The following NRXN1 variants were observed in gnomAD, a reference collection of about 807,000 sequenced individuals.
NRXN1 encodes the protein neurexin 1.
NRXN1 carries 39 observed loss-of-function variants against 150.9 expected under a neutral mutation model. That is an observed-to-expected ratio of 0.26 (90% CI 0.20 to 0.34). The LOEUF is 0.34. NRXN1 is among the 10% of genes least tolerant of loss of function. NRXN1 has a pLI of 1.00. For missense variants in NRXN1, 1,815 were observed against 1,949.9 expected (o/e 0.93, Z 1.30); for synonymous variants, 924 against 757.0 (o/e 1.22, Z -3.62).
At chr2:50,485,452 G>C (rs1047099660) in intron 15 of NRXN1, among the ~76,000 whole-genome samples, 1 of 152,248 alleles carries the variant, frequency 6.6e-6, no homozygotes, top group Non-Finnish European at 1.5e-5. Context: ...GCTCTCAGAG[G>C]AGGGTCTCCT....
At chr2:50,471,520 G>T (rs1241233550) in intron 16 of NRXN1, among the ~76,000 whole-genome samples, 1 of 151,816 alleles carries the variant, frequency 6.6e-6, no homozygotes, top group Non-Finnish European at 1.5e-5. Context: ...GGGCACTTAG[G>T]TAGATTCCAT....
intron 5 of NRXN1, among the ~76,000 whole-genome samples, chr2:50,845,005 C>T (rs1673432282): frequency 6.6e-6 from 1 of 152,208 alleles, no homozygotes; most frequent in African/African-American, 2.4e-5. Context: ...AGGTGCACAT[C>T]ATCTCACCTA....
chr2:50,533,458 T>C (rs542700121), intron 10 of NRXN1, among the ~76,000 whole-genome samples: 5 of 152,290 alleles, frequency 3.3e-5, no homozygotes, highest in African/African-American at 1.2e-4. Context: ...TGCTCAGACC[T>C]AAAGCTTTCT....
At chr2:50,478,109 C>A (rs570909465) in intron 15 of NRXN1, among the ~76,000 whole-genome samples, 51 of 152,218 alleles carry the variant, frequency 3.4e-4, no homozygotes, top group African/African-American at 1.2e-3. Flanking sequence ...TCTAGATACA[C>A]TGAGAGAGCT....
chr2:50,441,786 T>G lies in NRXN1; in HGVS notation c.3364+23656A>C, dbSNP rs544922557. Among the ~76,000 whole-genome samples the G allele has an allele frequency of 9.2e-5, 14 of 152,286 alleles. No homozygotes were observed. In the South Asian group the frequency reaches 1.7e-3, roughly 18 times the overall value. ...TAAAAATATCGAAAAAATAAAAATT[T>G]TATTGAAAATTTCTGAAAACTTATG... On this transcript the variant is annotated intron_variant, in intron 17 of 22. Transcript: ENST00000401669.
intron 5 of NRXN1, among the ~76,000 whole-genome samples, chr2:50,907,202 AAAAT>A (rs1300549025): frequency 6.6e-6 from 1 of 152,094 alleles, no homozygotes; most frequent in East Asian, 1.9e-4. Flanking sequence ...AAAAAACAAA[AAAAT>A]AAACCAACCT....
chr2:50,397,230 C>G (rs1028006328), intron 17 of NRXN1, among the ~76,000 whole-genome samples: 1 of 152,068 alleles, frequency 6.6e-6, no homozygotes, highest in Non-Finnish European at 1.5e-5. Context: ...ACATGAGAAA[C>G]TTAGCCAGAG....
intron 17 of NRXN1, among the ~76,000 whole-genome samples, chr2:50,436,948 C>T (rs1166384729): frequency 6.6e-6 from 1 of 152,002 alleles, no homozygotes; most frequent in African/African-American, 2.4e-5. Flanking sequence ...ATCATAATTA[C>T]CTTCTACAGT....
At chr2:50,036,007 A>G (rs1689972903) in intron 21 of NRXN1, among the ~76,000 whole-genome samples, 1 of 152,154 alleles carries the variant, frequency 6.6e-6, no homozygotes, top group Admixed American at 6.5e-5. Flanking sequence ...ACAAGGAATG[A>G]ATAGCACAAC....
intron 5 of NRXN1, among the ~76,000 whole-genome samples, chr2:50,645,060 C>A (rs890779005): frequency 1.3e-5 from 2 of 151,690 alleles, no homozygotes; most frequent in Non-Finnish European, 2.9e-5. Context: ...TACAAAATGT[C>A]TTTTTCCACC....
At chr2:49,936,594 C>A (rs542034436) in intron 22 of NRXN1, among the ~76,000 whole-genome samples, 4 of 152,026 alleles carry the variant, frequency 2.6e-5, no homozygotes, top group East Asian at 1.9e-4. Flanking sequence ...GAAAGGGCTG[C>A]GTCTCAAATT....
chr2:50,267,514 CAACTTTTT>C (rs1260022110), intron 17 of NRXN1, among the ~76,000 whole-genome samples: 1 of 152,054 alleles, frequency 6.6e-6, no homozygotes, highest in East Asian at 1.9e-4. Context: ...ATAAGACTAC[CAACTTTTT>C]AACTTTTTCA....
intron 18 of NRXN1, among the ~76,000 whole-genome samples, chr2:50,235,282 T>C (rs2065312780): frequency 6.6e-6 from 1 of 152,156 alleles, no homozygotes. Context: ...ACTGATCATT[T>C]ATTTATGATG....
At chr2:50,219,965 A>ATATATATAATATATATTATATAT (rs2063728578) in intron 18 of NRXN1, among the ~76,000 whole-genome samples, 1 of 56,764 alleles carries the variant, frequency 1.8e-5, no homozygotes, top group Admixed American at 2.0e-4. Context: ...TATATATATT[A>ATATATATAATATATATTATATAT]TATATATATA....
chr2:50,694,338 C>A (rs2104904482), intron 5 of NRXN1, among the ~76,000 whole-genome samples: 1 of 152,156 alleles, frequency 6.6e-6, no homozygotes, highest in South Asian at 2.1e-4. Context: ...GTTATTTTAT[C>A]TTTTTGCATC....
chr2:50,821,317 T>TA (rs1032999298), intron 5 of NRXN1, among the ~76,000 whole-genome samples: 11 of 152,144 alleles, frequency 7.2e-5, no homozygotes. Flanking sequence ...CAGCTATCGT[T>TA]AGTGTATTTT....
intron 5 of NRXN1, among the ~76,000 whole-genome samples, chr2:50,756,840 A>G (rs1342272002): frequency 2.6e-5 from 4 of 151,822 alleles, no homozygotes; most frequent in South Asian, 2.1e-4. Context: ...TCACTCTCTT[A>G]TAAGAGCATA....
At chr2:50,317,141 G>A (rs1259776424) in intron 17 of NRXN1, among the ~76,000 whole-genome samples, 1 of 151,958 alleles carries the variant, frequency 6.6e-6, no homozygotes, top group Non-Finnish European at 1.5e-5. Flanking sequence ...AGACATGGAG[G>A]AGATAATCAA....
At chr2:50,882,827 T>C (rs1373579557) in intron 5 of NRXN1, among the ~76,000 whole-genome samples, 1 of 151,892 alleles carries the variant, frequency 6.6e-6, no homozygotes, top group African/African-American at 2.4e-5. Context: ...AAATTGTGTA[T>C]CATTTTTCTG....
Sources: allele counts gnomAD v4.1 joint callset (sites outside exome capture counted in the v4.1 genomes callset), GRCh38; gene constraint gnomAD v4.1.1; transcripts MANE v1.5; gene names NCBI Gene and HGNC (gene_info 2026-07-23, HGNC 2026-07-21).